Variants in CKAP5 observed in about 807,000 individuals in gnomAD.
CKAP5 encodes cytoskeleton associated protein 5.
A neutral mutation model predicts 232.8 loss-of-function variants in CKAP5; 27 were observed. The ratio of observed to expected loss-of-function variants is 0.12; its 90% confidence interval spans 0.09 to 0.16. The LOEUF (loss-of-function observed/expected upper bound fraction) is 0.16, where lower values mean the gene tolerates loss of function less well. Among genes scored for constraint, CKAP5 ranks in the 10% least tolerant of loss-of-function variants. The probability of loss-of-function intolerance (pLI) is 1.00; values close to 1 mark genes in which losing one functional copy is unlikely to be tolerated. For missense variants in CKAP5, 1,838 were observed against 2,424.7 expected (o/e 0.76, Z 5.08); for synonymous variants, 785 against 841.1 (o/e 0.93, Z 1.16).
At chr11:46,793,928 GAAAAAACAAA>G (rs1351810999) in intron 13 of CKAP5, among the ~76,000 whole-genome samples, 1 of 139,834 alleles carries the variant, frequency 7.2e-6, no homozygotes, top group Non-Finnish European at 1.5e-5. Flanking sequence ...CTCCACCTCA[GAAAAAACAAA>G]AAAAAAATAC....
In CKAP5 at chr11:46,744,077, A is replaced by G. The variant is rs771182071; in HGVS notation, c.6045T>C (p.Ala2015=). Residue 2015 remains alanine, a synonymous_variant, in exon 44 of 44, where the codon GCT becomes GCC. Coordinates refer to ENST00000529230, the MANE Select transcript of CKAP5 (RefSeq NM_001008938.4). The part of the protein sequence containing the change: ...SGTVTSSSST[A]NIDDLKKRLE... ...GTCTTTTTTTCAAGTCGTCTATGTT[A>G]GCTGTGGAGGAGGAGGAGGTCACAG... 1 of 1,613,878 alleles carries G rather than the reference A, an allele frequency of 6.2e-7. No homozygotes were observed. Among genetic ancestry groups the G allele is most frequent in the Non-Finnish European group, 8.5e-7 (1 of 1,180,006 alleles).
intron 14 of CKAP5, 70 bp from the exon 15 acceptor site, chr11:46,790,256 C>T (rs1037552564): frequency 2.8e-6 from 3 of 1,076,220 alleles, no homozygotes; most frequent in Non-Finnish European, 4.1e-6. Flanking sequence ...CGTAAACATA[C>T]TCCAGCCAAA....
At chr11:46,744,908 T>C (rs1368621894) in intron 42 of CKAP5, among the ~76,000 whole-genome samples, 5 of 152,190 alleles carry the variant, frequency 3.3e-5, no homozygotes, top group Non-Finnish European at 5.9e-5. Context: ...CATACTGTAA[T>C]TGCCCAACTG....
chr11:46,816,074 G>C, intron 4 of CKAP5, 124 bp downstream of exon 4: 2 of 572,658 alleles, frequency 3.5e-6, no homozygotes, highest in Non-Finnish European at 2.8e-6. Flanking sequence ...ATCTCAAAAC[G>C]ACCCCCCCAT....
intron 42 of CKAP5, among the ~76,000 whole-genome samples, chr11:46,746,568 AAC>A (rs1265979052): frequency 6.6e-6 from 1 of 152,208 alleles, no homozygotes; most frequent in Non-Finnish European, 1.5e-5. Context: ...AGGCAATGTT[AAC>A]ACAAAGTATT....
chr11:46,810,619 A>G (rs759771155), intron 5 of CKAP5, among the ~76,000 whole-genome samples: 12 of 152,196 alleles, frequency 7.9e-5, no homozygotes, highest in Non-Finnish European at 1.5e-4. Context: ...GGAAGAAAAT[A>G]TATAATTAAA....
At chr11:46,805,638 C>T (rs1303595357) in intron 8 of CKAP5, among the ~76,000 whole-genome samples, 1 of 152,020 alleles carries the variant, frequency 6.6e-6, no homozygotes, top group East Asian at 1.9e-4. Flanking sequence ...AAATCAAATA[C>T]AAAAAATAAA....
At chr11:46,753,536 A>C in intron 36 of CKAP5, 39 bp from the exon 37 acceptor site, 2 of 1,439,052 alleles carry the variant, frequency 1.4e-6, no homozygotes, top group Non-Finnish European at 1.9e-6. Context: ...TGTAAAACTC[A>C]ATATAGAGAG....
At chr11:46,745,197 A>G (rs1384032023) in intron 42 of CKAP5, among the ~76,000 whole-genome samples, 2 of 152,226 alleles carry the variant, frequency 1.3e-5, no homozygotes, top group Non-Finnish European at 2.9e-5. Context: ...CAATGATACA[A>G]TGCGGGCCTT....
intron 1 of CKAP5, among the ~76,000 whole-genome samples, chr11:46,839,037 G>GA (rs532774358): frequency 7.8e-4 from 115 of 148,064 alleles, no homozygotes; most frequent in Admixed American, 9.4e-4. Flanking sequence ...AACCTCAAAG[G>GA]AAAAAAAAAA....
At chr11:46,832,825 C>T (rs900572238) in intron 1 of CKAP5, among the ~76,000 whole-genome samples, 5 of 151,942 alleles carry the variant, frequency 3.3e-5, no homozygotes, top group African/African-American at 1.2e-4. Flanking sequence ...GGTGTAGTGG[C>T]ATGCGCCTGT....
chr11:46,786,938 G>C (rs1396063881), intron 16 of CKAP5, among the ~76,000 whole-genome samples: 1 of 152,170 alleles, frequency 6.6e-6, no homozygotes, highest in African/African-American at 2.4e-5. Flanking sequence ...CAAGGAGAGA[G>C]TCTTTGGTGG....
intron 16 of CKAP5, among the ~76,000 whole-genome samples, chr11:46,786,871 A>T (rs536343756): frequency 6.6e-6 from 1 of 152,320 alleles, no homozygotes; most frequent in Non-Finnish European, 1.5e-5. Flanking sequence ...GACAGATCAC[A>T]TTGGTTCAAG....
chr11:46,807,808 A>T (rs1464103918), intron 8 of CKAP5, among the ~76,000 whole-genome samples: 1 of 152,270 alleles, frequency 6.6e-6, no homozygotes, highest in African/African-American at 2.4e-5. Context: ...GAAGCTATCA[A>T]ATAGCATACC....
intron 36 of CKAP5, 22 bp from the exon 37 acceptor site, chr11:46,753,519 A>T: frequency 6.4e-7 from 1 of 1,571,528 alleles, no homozygotes; most frequent in Non-Finnish European, 8.7e-7. Context: ...TACTTGTGTC[A>T]GGGAGGTGTA....
chr11:46,806,774 T>C (rs1403869465), intron 8 of CKAP5, among the ~76,000 whole-genome samples: 2 of 152,190 alleles, frequency 1.3e-5, no homozygotes, highest in Non-Finnish European at 2.9e-5. Flanking sequence ...AAATCAACAC[T>C]CATGGTACTT....
At chr11:46,822,738 T>TCC (rs1165882925) in intron 1 of CKAP5, among the ~76,000 whole-genome samples, 2 of 36,480 alleles carry the variant, frequency 5.5e-5, no homozygotes, top group Admixed American at 3.4e-4. Flanking sequence ...ACAGACTCCG[T>TCC]CCCAAAAAAA....
chr11:46,821,011 G>T, intron 2 of CKAP5, 164 bp downstream of exon 2: 3 of 539,712 alleles, frequency 5.6e-6, no homozygotes, highest in Non-Finnish European at 6.5e-6. Context: ...ATTTTTAGTT[G>T]AGCTACAGAA....
intron 17 of CKAP5, 52 bp downstream of exon 17, chr11:46,784,436 T>A: frequency 7.0e-7 from 1 of 1,438,640 alleles, no homozygotes; most frequent in Non-Finnish European, 9.5e-7. Flanking sequence ...AGCTTAAAGT[T>A]TGGGGGAAAA....
Sources: allele counts gnomAD v4.1 joint callset (sites outside exome capture counted in the v4.1 genomes callset), GRCh38; gene constraint gnomAD v4.1.1; transcripts MANE v1.5; gene names NCBI Gene and HGNC (gene_info 2026-07-23, HGNC 2026-07-21).